SLC4A5: variants seen among roughly 807,000 people sequenced by gnomAD.
SLC4A5 encodes the protein electrogenic sodium bicarbonate cotransporter 4.
Under a neutral mutation model 120.4 loss-of-function variants are expected in SLC4A5, and 96 were observed. That is an observed-to-expected ratio of 0.80 (90% CI 0.68 to 0.94). The LOEUF is 0.94. SLC4A5 is among the 40% of genes least tolerant of loss of function. SLC4A5 has a pLI of 0.00. For synonymous variants in SLC4A5, 550 were observed against 571.1 expected (o/e 0.96, Z 0.53); for missense variants, 1,259 against 1,459.5 (o/e 0.86, Z 2.24).
At chr2:74,292,802 G>C (rs1477879090) in intron 7 of SLC4A5, among the ~76,000 whole-genome samples, 1 of 152,132 alleles carries the variant, frequency 6.6e-6, no homozygotes, top group Non-Finnish European at 1.5e-5. Context: ...CACGATCCTG[G>C]GGTCCTCAGC....
intron 22 of SLC4A5, among the ~76,000 whole-genome samples, chr2:74,234,280 G>A (rs531620519): frequency 1.9e-3 from 295 of 151,492 alleles, no homozygotes; most frequent in African/African-American, 6.9e-3. Context: ...CCGGATTCAC[G>A]CCATTCTCCT....
intron 20 of SLC4A5, among the ~76,000 whole-genome samples, chr2:74,240,625 C>A (rs1353083056): frequency 6.6e-6 from 1 of 151,956 alleles, no homozygotes; most frequent in Non-Finnish European, 1.5e-5. Flanking sequence ...AAAAATTAGC[C>A]AGGCACAGTG....
chr2:74,279,726 C>A (rs1281108739), intron 8 of SLC4A5, among the ~76,000 whole-genome samples: 4 of 152,186 alleles, frequency 2.6e-5, no homozygotes, highest in African/African-American at 9.7e-5. Context: ...GCCCCCAAAA[C>A]AAAATTTAAA....
chr2:74,233,259 CA>C (rs568862077), intron 23 of SLC4A5, 142 bp downstream of exon 23: 5 of 994,630 alleles, frequency 5.0e-6, no homozygotes, highest in Non-Finnish European at 7.6e-6. Flanking sequence ...ATTTCCCCCT[CA>C]ACACACCAAG....
chr2:74,274,122 C>T (rs760664179), intron 8 of SLC4A5, among the ~76,000 whole-genome samples: 5 of 152,222 alleles, frequency 3.3e-5, no homozygotes, highest in Admixed American at 6.5e-5. Context: ...ATCTATCTCA[C>T]GAGGTAGGTC....
intron 8 of SLC4A5, among the ~76,000 whole-genome samples, chr2:74,277,236 G>A (rs1042837069): frequency 6.6e-6 from 1 of 152,130 alleles, no homozygotes; most frequent in Admixed American, 6.5e-5. Context: ...CTGGGTGGGG[G>A]GCTCTTGACT....
chr2:74,308,448 T>C (rs1474365453), intron 6 of SLC4A5, among the ~76,000 whole-genome samples: 1 of 152,260 alleles, frequency 6.6e-6, no homozygotes, highest in Non-Finnish European at 1.5e-5. Flanking sequence ...TCTTATTGTT[T>C]TAATTTTAAA....
At chr2:74,282,300 C>G (rs905307213) in intron 8 of SLC4A5, among the ~76,000 whole-genome samples, 1 of 152,198 alleles carries the variant, frequency 6.6e-6, no homozygotes, top group Non-Finnish European at 1.5e-5. Flanking sequence ...GAGCAGAAGT[C>G]GAGAAAGCTA....
chr2:74,220,738 C>G (rs908789402), intron 30 of SLC4A5, among the ~76,000 whole-genome samples: 24 of 150,142 alleles, frequency 1.6e-4, no homozygotes, highest in Admixed American at 9.3e-4. Flanking sequence ...GGATGGTCTC[C>G]ATCTCCTGAC....
At chr2:74,311,901 T>C (rs1672815732) in intron 6 of SLC4A5, among the ~76,000 whole-genome samples, 2 of 152,242 alleles carry the variant, frequency 1.3e-5, no homozygotes, top group African/African-American at 4.8e-5. Context: ...TAGATGGGTA[T>C]TGAAGTCCAC....
At chr2:74,310,307 T>A (rs894682823) in intron 6 of SLC4A5, among the ~76,000 whole-genome samples, 1 of 152,206 alleles carries the variant, frequency 6.6e-6, no homozygotes, top group East Asian at 1.9e-4. Context: ...CCTTGTCTTA[T>A]TGCATTAGCT....
chr2:74,319,672 T>C (rs1275559727), intron 5 of SLC4A5, among the ~76,000 whole-genome samples: 2 of 151,836 alleles, frequency 1.3e-5, no homozygotes, highest in Non-Finnish European at 2.9e-5. Context: ...TCTCTTTTTC[T>C]CTCTCTCTCT....
chr2:74,309,928 C>A (rs1414014992), intron 6 of SLC4A5, among the ~76,000 whole-genome samples: 3 of 152,070 alleles, frequency 2.0e-5, no homozygotes, highest in Non-Finnish European at 2.9e-5. Context: ...TCCCAAAGTG[C>A]TGGGATTACA....
intron 16 of SLC4A5, among the ~76,000 whole-genome samples, 163 bp downstream of exon 16, chr2:74,252,016 T>A (rs915056805): frequency 3.9e-5 from 6 of 152,042 alleles, no homozygotes; most frequent in Non-Finnish European, 5.9e-5. Flanking sequence ...GAGGCAACCT[T>A]TTGGGGATCC....
chr2:74,246,112 T>A (rs916408584), intron 19 of SLC4A5, among the ~76,000 whole-genome samples: 2 of 152,186 alleles, frequency 1.3e-5, no homozygotes, highest in Non-Finnish European at 2.9e-5. Flanking sequence ...AGGGGCATGA[T>A]CATGACTATG....
chr2:74,239,461 G>C (rs755570834), exon 21 of SLC4A5: 4 of 1,613,944 alleles, frequency 2.5e-6, no homozygotes, highest in Non-Finnish European at 3.4e-6. Flanking sequence ...TCCCAAGCAG[G>C]CGCCCGCCGT....
At chr2:74,239,147 C>T (rs1290682907) in intron 21 of SLC4A5, among the ~76,000 whole-genome samples, 188 bp downstream of exon 21, 1 of 152,192 alleles carries the variant, frequency 6.6e-6, no homozygotes, top group African/African-American at 2.4e-5. Context: ...AGATAAAAGC[C>T]TGACAATACC....
At chr2:74,246,162 T>C (rs1004035318) in intron 19 of SLC4A5, among the ~76,000 whole-genome samples, 9 of 152,210 alleles carry the variant, frequency 5.9e-5, no homozygotes, top group South Asian at 2.1e-4. Flanking sequence ...AATTTACAGA[T>C]GACAGGTGTT....
intron 6 of SLC4A5, among the ~76,000 whole-genome samples, chr2:74,313,192 T>C (rs1672862458): frequency 6.6e-6 from 1 of 152,114 alleles, no homozygotes; most frequent in African/African-American, 2.4e-5. Context: ...GCTCCTCCTC[T>C]GGTTTTAACT....
Sources: gnomAD v4.1 joint callset for allele counts (sites outside exome capture counted in the v4.1 genomes callset) on GRCh38, gnomAD v4.1.1 for gene constraint, MANE v1.5 for transcripts, NCBI Gene and HGNC (gene_info 2026-07-23, HGNC 2026-07-21) for gene names.